Variants in CDC42EP4 observed in about 807,000 individuals in gnomAD.
The protein encoded by CDC42EP4 is CDC42 effector protein 4.
A neutral mutation model predicts 5.6 loss-of-function variants in CDC42EP4; 6 were observed. The ratio of observed to expected loss-of-function variants is 1.07; its 90% CI spans 0.59 to 2.12. The LOEUF is 2.12. Among genes scored for constraint, CDC42EP4 ranks in the 30% most tolerant of loss-of-function variants. The pLI, the probability that CDC42EP4 is intolerant of heterozygous loss-of-function variation, is 0.00. For missense variants in CDC42EP4, 490 were observed against 508.6 expected (o/e 0.96, Z 0.35); for synonymous variants, 230 against 224.2 (o/e 1.03, Z -0.23).
chr17:73,292,803 G>A (rs1432198971), intron 1 of CDC42EP4, among the ~76,000 whole-genome samples: 1 of 152,230 alleles, frequency 6.6e-6, no homozygotes, highest in Non-Finnish European at 1.5e-5. Context: ...AGGTTACATA[G>A]AGCCCTCCCT....
intron 1 of CDC42EP4, chr17:73,310,769 A>G: frequency 6.5e-6 from 1 of 152,982 alleles, no homozygotes; most frequent in Non-Finnish European, 1.4e-5. Context: ...ACACACACAC[A>G]CACACACACA....
intron 1 of CDC42EP4, among the ~76,000 whole-genome samples, chr17:73,287,642 G>A (rs1240644231): frequency 2.6e-5 from 4 of 152,182 alleles, no homozygotes; most frequent in Non-Finnish European, 4.4e-5. Context: ...TGGGCAGGTT[G>A]GGGAGAGATG....
chr17:73,308,564 C>T (rs572244521), intron 1 of CDC42EP4, among the ~76,000 whole-genome samples: 144 of 152,308 alleles, frequency 9.5e-4, no homozygotes, highest in African/African-American at 3.2e-3. Flanking sequence ...CCAATCCAAA[C>T]GTAGGGGCGT....
chr17:73,291,821 G>C (rs956704440), intron 1 of CDC42EP4, among the ~76,000 whole-genome samples: 3 of 152,134 alleles, frequency 2.0e-5, no homozygotes, highest in African/African-American at 7.2e-5. Flanking sequence ...TCAGCCCACT[G>C]ACCACGGAAC....
intron 1 of CDC42EP4, among the ~76,000 whole-genome samples, chr17:73,290,846 ATACGCTCAT>A (rs2062158051): frequency 6.6e-6 from 1 of 152,180 alleles, no homozygotes. Flanking sequence ...TCCCGATCTT[ATACGCTCAT>A]TAGAGAGGAA....
rs1376780072 is a variant in CDC42EP4 at position 73,285,820 on chromosome 17, C to T, written c.681G>A (p.Lys227=). 6.2e-7 allele frequency: 1 copy of T among 1,611,744 alleles called. No homozygotes were observed. The highest frequency in any genetic ancestry group is 1.1e-5 in the South Asian group (1 of 91,064). Residue 227 remains lysine, a synonymous_variant, in exon 2 of 2, where the codon AAG becomes AAA. Coordinates refer to ENST00000335793, the MANE Select transcript of CDC42EP4 (RefSeq NM_012121.5). This position sits in a 1 kb window ranked among gnomAD's most constrained non-coding sequence, Gnocchi z 6.8. The stretch of plus-strand genomic sequence containing the variant: ...CCCCCTCCTCGGGGTCCCACTCCTC[C>T]TTGTCCATGATGCTGAGGACGTCAC... ...MLGDVLSIMD[K]EEWDPEEGEG...
In CDC42EP4 at chr17:73,284,103, A is replaced by AT. The variant is rs1284497705; in HGVS notation, c.*1326dup. ...TTCAGAAAAACAAATCATTTTTCAC[A>AT]TAAGTGTTCCAAATATTGCGTGGGG... On this transcript the variant is annotated 3_prime_UTR_variant, in exon 2 of 2. Coordinates refer to ENST00000335793, the MANE Select transcript of CDC42EP4 (RefSeq NM_012121.5). 6.6e-6 allele frequency: 1 copy of AT among 152,264 alleles called. No homozygotes were observed. The highest frequency in any genetic ancestry group is 2.4e-5 in the African/African-American group (1 of 41,470). 9.4% of individuals were successfully genotyped at this position (152,264 alleles called of 1,614,324 possible).
intron 1 of CDC42EP4, among the ~76,000 whole-genome samples, chr17:73,304,849 G>A (rs1411167856): frequency 1.3e-5 from 2 of 152,148 alleles, no homozygotes; most frequent in East Asian, 1.9e-4. Context: ...GATTAATCCT[G>A]GAAAATACAG....
At chr17:73,300,582 G>A (rs1341430827) in intron 1 of CDC42EP4, among the ~76,000 whole-genome samples, 1 of 152,130 alleles carries the variant, frequency 6.6e-6, no homozygotes, top group Non-Finnish European at 1.5e-5. Context: ...AAACACTGGA[G>A]ACTGGGAGGG....
intron 1 of CDC42EP4, among the ~76,000 whole-genome samples, chr17:73,309,584 G>A (rs189279226): frequency 6.6e-5 from 10 of 152,028 alleles, no homozygotes; most frequent in East Asian, 1.9e-4. Context: ...AGAGAGAAAC[G>A]AGGGGAAAAG....
intron 1 of CDC42EP4, chr17:73,311,514 T>A (rs1218889326): frequency 4.6e-5 from 7 of 152,208 alleles, no homozygotes; most frequent in Non-Finnish European, 7.3e-5. Flanking sequence ...ACCCCATTCC[T>A]GGGAAGGGGG....
intron 1 of CDC42EP4, among the ~76,000 whole-genome samples, chr17:73,301,986 T>C (rs1029014664): frequency 1.7e-4 from 26 of 151,854 alleles, no homozygotes; most frequent in African/African-American, 6.3e-4. Context: ...CACCATGCCC[T>C]GCCTGCCTGG....
At chr17:73,305,760 G>A (rs1329764928) in intron 1 of CDC42EP4, among the ~76,000 whole-genome samples, 2 of 152,216 alleles carry the variant, frequency 1.3e-5, no homozygotes, top group Non-Finnish European at 2.9e-5. Flanking sequence ...CACACCCAGT[G>A]ACACTCCAGC....
intron 1 of CDC42EP4, among the ~76,000 whole-genome samples, chr17:73,290,774 A>G (rs1396341315): frequency 6.6e-6 from 1 of 152,170 alleles, no homozygotes; most frequent in Non-Finnish European, 1.5e-5. Context: ...GAGCTGCGTT[A>G]AGGGTTTCAA....
chr17:73,306,039 C>T (rs906949449), intron 1 of CDC42EP4, among the ~76,000 whole-genome samples: 17 of 152,166 alleles, frequency 1.1e-4, no homozygotes, highest in Admixed American at 6.5e-4. Context: ...CTCATCCCGT[C>T]ACCTTTTAAC....
At chr17:73,297,325 T>C (rs534514366) in intron 1 of CDC42EP4, among the ~76,000 whole-genome samples, 207 of 139,960 alleles carry the variant, frequency 1.5e-3, no homozygotes, top group African/African-American at 4.9e-3. Flanking sequence ...CACACACAAA[T>C]TAGCCAGGTG....
chr17:73,290,166 T>G (rs908641809), intron 1 of CDC42EP4, among the ~76,000 whole-genome samples: 90 of 152,176 alleles, frequency 5.9e-4, no homozygotes, highest in African/African-American at 2.1e-3. Context: ...CACTTTCACT[T>G]TATGGATGAG....
In CDC42EP4 at chr17:73,286,554, G is replaced by T; in HGVS notation, c.-54C>A. 1 of 1,401,542 alleles carries T rather than the reference G, an allele frequency of 7.1e-7. No individual in the cohort carries two copies. Among genetic ancestry groups the T allele is most frequent in the Non-Finnish European group, 9.7e-7 (1 of 1,034,736 alleles). 86.8% of individuals were successfully genotyped at this position (1,401,542 alleles called of 1,614,324 possible). ...TCCCGAGGTAGCCGGCAGGTCTGGG[G>T]TCAGATCTGAAGTCCAAGTCCAGTG... On this transcript the variant is annotated 5_prime_UTR_variant, in exon 2 of 2. Coordinates refer to ENST00000335793, the MANE Select transcript of CDC42EP4 (RefSeq NM_012121.5). The surrounding 1 kb of genome is among the most constrained non-coding windows in gnomAD (Gnocchi z 7.7).
At chr17:73,292,002 C>T (rs995057283) in intron 1 of CDC42EP4, among the ~76,000 whole-genome samples, 1 of 152,196 alleles carries the variant, frequency 6.6e-6, no homozygotes, top group Admixed American at 6.5e-5. Context: ...CCCAGCAGAC[C>T]CAGAGCAGAA....
Sources: gnomAD v4.1 joint callset for allele counts (sites outside exome capture counted in the v4.1 genomes callset) on GRCh38, gnomAD v4.1.1 for gene constraint, Gnocchi (gnomAD v3.1) non-coding constraint, MANE v1.5 for transcripts, NCBI Gene and HGNC (gene_info 2026-07-23, HGNC 2026-07-21) for gene names.